Variants in AKT1S1 observed in about 807,000 individuals in gnomAD.
AKT1S1 encodes the protein proline-rich AKT1 substrate 1.
A neutral mutation model predicts 21.2 loss-of-function variants in AKT1S1; 17 were observed. That is an observed-to-expected ratio of 0.80 (90% CI 0.55 to 1.20). The LOEUF (loss-of-function observed/expected upper bound fraction) is 1.20. Ranked by LOEUF, AKT1S1 falls within the 50% of genes most tolerant of loss-of-function variation. AKT1S1 has a pLI of 0.00. For synonymous variants in AKT1S1, 181 were observed against 165.6 expected (o/e 1.09, Z -0.72); for missense variants, 366 against 368.3 (o/e 0.99, Z 0.05).
At chr19:49,876,730 C>T in intron 1 of AKT1S1, 1 of 1,398,242 alleles carries the variant, frequency 7.2e-7, no homozygotes, top group Non-Finnish European at 9.4e-7. Context: ...ATCGGGGCCG[C>T]CCGAGATCAA....
Position 49,871,907 on chromosome 19 carries a change from T to TA in AKT1S1, c.380-19dup. On this transcript the variant is annotated intron_variant, in intron 2 of 4. Transcript: ENST00000344175. The stretch of plus-strand genomic sequence containing the variant: ...AAAGAGCCCTGTGGATGACCTGAGT[T>TA]AGAGGCCCAGGCCAGGCAGCACCTA... 6.2e-7 allele frequency: 1 copy of TA among 1,612,978 alleles called. No homozygotes were observed. Among genetic ancestry groups the TA allele is most frequent in the Non-Finnish European group, 8.5e-7 (1 of 1,179,486 alleles).
intron 1 of AKT1S1, chr19:49,876,460 G>T: frequency 8.6e-7 from 1 of 1,165,154 alleles, no homozygotes; most frequent in Non-Finnish European, 1.1e-6. Context: ...CCAGCGCTCA[G>T]CAAAGGATCG....
At chr19:49,878,318 G>A (rs1306956028), upstream of AKT1S1, 12 of 1,428,516 alleles carry the variant, frequency 8.4e-6, no homozygotes, top group Non-Finnish European at 1.2e-5. Context: ...GGCAGCTGTA[G>A]GAGTTTGGTC....
chr19:49,876,493 T>A (rs1197594254), intron 1 of AKT1S1: 1 of 1,283,566 alleles, frequency 7.8e-7, no homozygotes, highest in East Asian at 3.1e-5. Flanking sequence ...TGCCCTCTGA[T>A]CTGTGCAGGC....
Position 49,873,449 on chromosome 19 carries a change from G to A in AKT1S1, c.-7-147C>T. 7.6e-7 allele frequency: 1 copy of A among 1,320,032 alleles called. No individual in the cohort carries two copies. The highest frequency in any genetic ancestry group is 9.7e-7 in the Non-Finnish European group (1 of 1,029,054). 81.8% of individuals were successfully genotyped at this position (1,320,032 alleles called of 1,614,324 possible). On this transcript the variant is annotated intron_variant, in intron 1 of 4. Transcript: ENST00000344175. This position sits in a 1 kb window ranked among gnomAD's most constrained non-coding sequence, Gnocchi z 6.9. The stretch of plus-strand genomic sequence containing the variant: ...GGTGCTGTGTGTCCTCCCCAAACCT[G>A]CTACTCCCCAGGATTCTCACCATCC...
upstream of AKT1S1, chr19:49,878,184 TAAG>T (rs2074976524): frequency 1.9e-6 from 3 of 1,576,010 alleles, no homozygotes; most frequent in Non-Finnish European, 2.6e-6. Context: ...ACACCAGCGC[TAAG>T]AAGTATCAGG....
intron 4 of AKT1S1, among the ~76,000 whole-genome samples, chr19:49,870,901 T>A (rs1432741030): frequency 6.6e-6 from 1 of 152,190 alleles, no homozygotes; most frequent in Non-Finnish European, 1.5e-5. Flanking sequence ...GTCACCACTG[T>A]GACTGCTGGT....
upstream of AKT1S1, chr19:49,878,347 C>A: frequency 8.0e-7 from 1 of 1,249,690 alleles, no homozygotes; most frequent in Non-Finnish European, 1.1e-6. Flanking sequence ...AGCAGTGGGA[C>A]CTGAAGAAGG....
rs969230045 is a variant in AKT1S1 at position 49,869,498 on chromosome 19, A to G, written c.*419T>C. On this transcript the variant is annotated 3_prime_UTR_variant, in exon 5 of 5. Coordinates refer to ENST00000344175, the MANE Select transcript of AKT1S1 (RefSeq NM_001098633.4). ...AACTCAGGAAAAGCGGACGGTGACT[A>G]TGTAGAGACTGGTCAAGCCCTTTAC... 6.4e-6 allele frequency: 1 copy of G among 156,816 alleles called. No homozygotes were observed. The highest frequency in any genetic ancestry group is 1.4e-5 in the Non-Finnish European group (1 of 70,758). 9.7% of individuals were successfully genotyped at this position (156,816 alleles called of 1,614,324 possible). A position where few individuals can be genotyped will look rare whatever the true frequency, so the allele number is the denominator to read the frequency against.
At chr19:49,875,875 C>G (rs1028337199) in intron 1 of AKT1S1, 1 of 985,318 alleles carries the variant, frequency 1.0e-6, no homozygotes, top group African/African-American at 1.7e-5. Flanking sequence ...CCTCCTTACC[C>G]TTCAGCTTCT....
intron 1 of AKT1S1, chr19:49,875,859 G>A: frequency 1.0e-6 from 1 of 985,432 alleles, no homozygotes; most frequent in Non-Finnish European, 1.2e-6. Flanking sequence ...GCCAAGACCT[G>A]GGGGTCCTCC....
intron 1 of AKT1S1, chr19:49,876,150 A>G: frequency 1.0e-6 from 1 of 996,708 alleles, no homozygotes; most frequent in Non-Finnish European, 1.2e-6. Context: ...CGCGGTAGCC[A>G]TGGGGTGAGC....
chr19:49,876,854 G>A (rs2029917041), intron 1 of AKT1S1: 6 of 515,946 alleles, frequency 1.2e-5, no homozygotes, highest in Non-Finnish European at 2.0e-5. Context: ...AATAATGGCC[G>A]TCCTCATATG....
At chr19:49,876,664 C>T (rs1012053703) in intron 1 of AKT1S1, 2 of 1,492,984 alleles carry the variant, frequency 1.3e-6, no homozygotes, top group African/African-American at 2.9e-5. Context: ...ATGGCGGCGC[C>T]TTGCGTCACG....
At chr19:49,872,095 C>T (rs1230479204) in intron 2 of AKT1S1, among the ~76,000 whole-genome samples, 2 of 152,234 alleles carry the variant, frequency 1.3e-5, no homozygotes, top group African/African-American at 2.4e-5. Context: ...ATGGATCTGC[C>T]ACCCTCTCAG....
chr19:49,870,597 C>T (rs1390407944), intron 4 of AKT1S1, among the ~76,000 whole-genome samples: 1 of 152,186 alleles, frequency 6.6e-6, no homozygotes, highest in African/African-American at 2.4e-5. Context: ...TCAGCCCCCG[C>T]CAAGGAGCCT....
At chr19:49,878,211 C>T, upstream of AKT1S1, 1 of 1,564,016 alleles carries the variant, frequency 6.4e-7, no homozygotes, top group Non-Finnish European at 8.7e-7. Context: ...GAGACTCTCT[C>T]ATCGCTGGTG....
chr19:49,871,744 T>C, intron 3 of AKT1S1, 28 bp from the exon 4 acceptor site: 1 of 1,610,866 alleles, frequency 6.2e-7, no homozygotes, highest in South Asian at 1.1e-5. Context: ...CTTCAGCTTC[T>C]GTCCCTGCCT....
At chr19:49,876,313 C>G (rs1260753958) in intron 1 of AKT1S1, 1 of 1,200,172 alleles carries the variant, frequency 8.3e-7, no homozygotes, top group East Asian at 3.4e-5. Context: ...CGCCCCGAGG[C>G]CCCCCAAACC....
Sources: gnomAD v4.1 joint callset for allele counts (sites outside exome capture counted in the v4.1 genomes callset) on GRCh38, gnomAD v4.1.1 for gene constraint, Gnocchi (gnomAD v3.1) non-coding constraint, MANE v1.5 for transcripts, NCBI Gene and HGNC (gene_info 2026-07-23, HGNC 2026-07-21) for gene names.